The following SV2C variants were observed in gnomAD, a reference collection of about 807,000 sequenced individuals.
The protein encoded by SV2C is synaptic vesicle glycoprotein 2C, also known as solute carrier family 22 member B3.
SV2C carries 49 observed loss-of-function variants against 79.7 expected under a neutral mutation model. That is an observed-to-expected ratio of 0.61 (90% CI 0.49 to 0.78). The LOEUF is 0.78. Ranked by LOEUF, SV2C falls within the 30% of genes least tolerant of loss-of-function variation. The pLI, the probability that SV2C is intolerant of heterozygous loss-of-function variation, is 0.00. For synonymous variants in SV2C, 334 were observed against 333.2 expected, an observed-to-expected ratio of 1.00 and a Z score of -0.03; for missense variants, 833 against 912.9, an observed-to-expected ratio of 0.91 and a Z score of 1.13.
chr5:75,857,845 G>A, the SV2C span, among the ~76,000 whole-genome samples: 1 of 151,704 alleles, frequency 6.6e-6, no homozygotes, highest in East Asian at 1.9e-4. Context: ...TAATTTCTGG[G>A]CATCTTATTT....
intron 4 of SV2C, among the ~76,000 whole-genome samples, chr5:76,276,454 G>A (rs1223240870): frequency 6.6e-6 from 1 of 152,088 alleles, no homozygotes; most frequent in African/African-American, 2.4e-5. Context: ...TCCCACCTCA[G>A]CCTCCCAAGC....
At chr5:76,151,929 A>G (rs1174300532) in intron 2 of SV2C, among the ~76,000 whole-genome samples, 6 of 152,150 alleles carry the variant, frequency 3.9e-5, no homozygotes, top group Non-Finnish European at 7.4e-5. Flanking sequence ...AGCCCTAGAG[A>G]TGGAACTTGG....
chr5:75,886,271 C>T, the SV2C span, among the ~76,000 whole-genome samples: 1 of 152,088 alleles, frequency 6.6e-6, no homozygotes, highest in East Asian at 1.9e-4. Flanking sequence ...GGAAAGTTAC[C>T]AGAAATCATA....
At chr5:76,341,179 C>T (rs551648500) in intron 12 of SV2C, among the ~76,000 whole-genome samples, 4 of 152,236 alleles carry the variant, frequency 2.6e-5, no homozygotes, top group Non-Finnish European at 4.4e-5. Flanking sequence ...GATCCACCCA[C>T]CTCGGCCTCC....
At chr5:75,999,059 C>T in the SV2C span, among the ~76,000 whole-genome samples, 4 of 151,908 alleles carry the variant, frequency 2.6e-5, no homozygotes, top group Non-Finnish European at 5.9e-5. Flanking sequence ...TAGTGGCAGG[C>T]AAAAAATTAG....
intron 4 of SV2C, among the ~76,000 whole-genome samples, chr5:76,273,092 A>G (rs1746920919): frequency 6.7e-6 from 1 of 149,832 alleles, no homozygotes. Context: ...TCAACATTTG[A>G]CTATCCTACA....
At chr5:76,023,070 C>G in the SV2C span, among the ~76,000 whole-genome samples, 7 of 152,184 alleles carry the variant, frequency 4.6e-5, no homozygotes, top group Non-Finnish European at 7.3e-5. Flanking sequence ...CTTTTATAGT[C>G]ATTTTTTAAA....
chr5:76,104,658 T>C lies in SV2C; in HGVS notation c.-102+21146T>C, dbSNP rs117767084. On this transcript the variant is annotated intron_variant, in intron 1 of 12. Transcript: ENST00000502798. ...AATTATTAACATACTCTCTAGCTCC[T>C]AACCTACCTTTCTACATTCTGTTTG... 1.7e-3 allele frequency among the ~76,000 whole-genome samples: 264 copies of C among 152,344 alleles called. 7 individuals carry two copies. The East Asian group carries it at 0.049, about 28-fold the overall frequency.
chr5:76,318,441 A>C (rs1364665738), intron 12 of SV2C, among the ~76,000 whole-genome samples: 6 of 152,082 alleles, frequency 3.9e-5, no homozygotes, highest in Non-Finnish European at 8.8e-5. Flanking sequence ...GAAAAAAAAA[A>C]CAGCATGAAA....
At chr5:76,296,134 A>G in intron 9 of SV2C, 192 bp downstream of exon 9, 1 of 418,360 alleles carries the variant, frequency 2.4e-6, no homozygotes, top group Non-Finnish European at 3.9e-6. Flanking sequence ...CCATTACTTC[A>G]CTTAAAACTA....
intron 7 of SV2C, among the ~76,000 whole-genome samples, 181 bp downstream of exon 7, chr5:76,291,512 C>T (rs1747564302): frequency 6.6e-6 from 1 of 152,198 alleles, no homozygotes; most frequent in Non-Finnish European, 1.5e-5. Flanking sequence ...CAATACATTC[C>T]ATCTGTGGGA....
At chr5:76,218,068 C>T (rs1005568675) in intron 4 of SV2C, among the ~76,000 whole-genome samples, 13 of 152,210 alleles carry the variant, frequency 8.5e-5, no homozygotes, top group Non-Finnish European at 1.3e-4. Flanking sequence ...TGGAGACAGG[C>T]AGTCAGTGCA....
At chr5:76,338,746 C>T (rs1345225021), downstream of SV2C, among the ~76,000 whole-genome samples, 8 of 151,432 alleles carry the variant, frequency 5.3e-5, no homozygotes, top group African/African-American at 1.9e-4. Context: ...CAACCTCCAC[C>T]TCCTGGGTTC....
At chr5:75,891,100 G>A in the SV2C span, among the ~76,000 whole-genome samples, 370 of 152,152 alleles carry the variant, frequency 2.4e-3, 3 homozygotes, top group Non-Finnish European at 1.9e-3. Flanking sequence ...TGATTCTGAG[G>A]TACTTGTGCA....
At chr5:76,030,180 C>G in the SV2C span, among the ~76,000 whole-genome samples, 3 of 149,510 alleles carry the variant, frequency 2.0e-5, no homozygotes, top group South Asian at 6.4e-4. Flanking sequence ...TGTCAAGGGA[C>G]TCCTTGACAA....
At chr5:75,903,678 C>T in the SV2C span, among the ~76,000 whole-genome samples, 2 of 152,336 alleles carry the variant, frequency 1.3e-5, no homozygotes, top group Non-Finnish European at 2.9e-5. Flanking sequence ...CTTGTTCTCA[C>T]AGCTCAGATT....
downstream of SV2C, among the ~76,000 whole-genome samples, chr5:76,334,418 G>A (rs1749272161): frequency 6.6e-6 from 1 of 152,192 alleles, no homozygotes; most frequent in African/African-American, 2.4e-5. Context: ...GAAGACACAA[G>A]TCTTCTTTTA....
chr5:76,312,876 G>A (rs1748501817), intron 12 of SV2C, among the ~76,000 whole-genome samples: 1 of 152,212 alleles, frequency 6.6e-6, no homozygotes, highest in African/African-American at 2.4e-5. Flanking sequence ...AGTGGGATTG[G>A]TCTCTTCCTT....
intron 1 of SV2C, among the ~76,000 whole-genome samples, chr5:76,100,667 C>T (rs1047257921): frequency 6.6e-6 from 1 of 152,126 alleles, no homozygotes; most frequent in African/African-American, 2.4e-5. Context: ...TGAGGGAGAG[C>T]TCAGACAAGT....
Sources: allele counts gnomAD v4.1 joint callset (sites outside exome capture counted in the v4.1 genomes callset), GRCh38; gene constraint gnomAD v4.1.1; transcripts MANE v1.5; gene names NCBI Gene and HGNC (gene_info 2026-07-23, HGNC 2026-07-21).